The following CBFA2T3 variants were observed in gnomAD, a reference collection of about 807,000 sequenced individuals.
CBFA2T3 encodes the protein CBFA2/RUNX1 partner transcriptional co-repressor 3, also known as transcriptional corepressor CBFA2T3.
In CBFA2T3, 31 loss-of-function variants were observed where a neutral mutation model predicts 58.6. That is an observed-to-expected ratio of 0.53 (90% CI 0.40 to 0.71). The LOEUF (loss-of-function observed/expected upper bound fraction) is 0.71. CBFA2T3 is among the 30% of genes least tolerant of loss of function. The pLI, the probability that CBFA2T3 is intolerant of heterozygous loss-of-function variation, is 0.00. For missense variants in CBFA2T3, 1,076 were observed against 963.1 expected, an observed-to-expected ratio of 1.12 and a Z score of -1.55; for synonymous variants, 531 against 421.9, an observed-to-expected ratio of 1.26 and a Z score of -3.17.
At chr16:88,877,320 C>G (rs374700962) in intron 11 of CBFA2T3, 45 bp from the exon 12 acceptor site, 2 of 1,479,622 alleles carry the variant, frequency 1.4e-6, no homozygotes, top group Non-Finnish European at 1.8e-6. Flanking sequence ...TCTGGCCACC[C>G]GAATCCCCAA....
At chr16:88,909,811 G>C (rs1426112778) in intron 1 of CBFA2T3, among the ~76,000 whole-genome samples, 1 of 152,226 alleles carries the variant, frequency 6.6e-6, no homozygotes, top group Non-Finnish European at 1.5e-5. Flanking sequence ...CGGCCGTGCA[G>C]TGAGTGAGGG....
At chr16:88,942,996 T>C (rs1971795417) in intron 1 of CBFA2T3, among the ~76,000 whole-genome samples, 1 of 152,228 alleles carries the variant, frequency 6.6e-6, no homozygotes, top group Non-Finnish European at 1.5e-5. Context: ...GCTCGAAATT[T>C]ATCCATCCTG....
At chr16:88,940,952 G>C (rs973665781) in intron 1 of CBFA2T3, 1 of 812,274 alleles carries the variant, frequency 1.2e-6, no homozygotes, top group Non-Finnish European at 1.5e-6. Context: ...GCGCAGATCC[G>C]GGAACGGCAG....
chr16:88,891,519 C>T (rs963567236), intron 5 of CBFA2T3, among the ~76,000 whole-genome samples: 1 of 152,336 alleles, frequency 6.6e-6, no homozygotes, highest in East Asian at 1.9e-4. Context: ...CCCACACTGG[C>T]ACGTCGTCAG....
intron 5 of CBFA2T3, among the ~76,000 whole-genome samples, chr16:88,889,821 C>T (rs1390461729): frequency 2.1e-5 from 3 of 144,068 alleles, no homozygotes; most frequent in African/African-American, 7.7e-5. Context: ...CACTTCAAAT[C>T]CCTGGACGAT....
At chr16:88,952,862 C>A (rs541001749) in intron 1 of CBFA2T3, among the ~76,000 whole-genome samples, 1 of 152,012 alleles carries the variant, frequency 6.6e-6, no homozygotes, top group African/African-American at 2.4e-5. Context: ...TTCCTTCCCC[C>A]CCACCCCCAC....
intron 1 of CBFA2T3, among the ~76,000 whole-genome samples, chr16:88,902,085 C>G (rs1384608143): frequency 2.6e-5 from 4 of 152,204 alleles, no homozygotes; most frequent in African/African-American, 9.7e-5. Flanking sequence ...GGCTGAGACC[C>G]AGAATTTGCA....
chr16:88,882,989 G>A (rs1423425182), intron 7 of CBFA2T3, among the ~76,000 whole-genome samples: 2 of 152,228 alleles, frequency 1.3e-5, no homozygotes, highest in South Asian at 2.1e-4. Flanking sequence ...CACGGCACAC[G>A]CCTCCAAGGG....
intron 1 of CBFA2T3, among the ~76,000 whole-genome samples, chr16:88,906,568 G>A (rs79644196): frequency 0.028 from 4,258 of 152,302 alleles, 216 homozygotes; most frequent in African/African-American, 0.098. Context: ...AGGCAACCCC[G>A]GGGGCTCAGC....
At chr16:88,945,149 T>G (rs1021097708) in intron 1 of CBFA2T3, among the ~76,000 whole-genome samples, 2 of 152,246 alleles carry the variant, frequency 1.3e-5, no homozygotes, top group Non-Finnish European at 2.9e-5. Flanking sequence ...GGGTGGCTAA[T>G]GGATTCTAGA....
At chr16:88,976,322 C>T (rs1253699693) in intron 1 of CBFA2T3, among the ~76,000 whole-genome samples, 1 of 152,140 alleles carries the variant, frequency 6.6e-6, no homozygotes, top group Non-Finnish European at 1.5e-5. Flanking sequence ...CTAGGACCCC[C>T]CCATCACTTC....
At chr16:88,914,593 G>A (rs1360733434) in intron 1 of CBFA2T3, among the ~76,000 whole-genome samples, 1 of 152,216 alleles carries the variant, frequency 6.6e-6, no homozygotes, top group East Asian at 1.9e-4. Context: ...TGTTTTTAAA[G>A]CGACCAGGGT....
Position 88,885,619 on chromosome 16 carries a change from T to A in CBFA2T3, c.893+342A>T, listed in dbSNP as rs1396293164. ...CTTGGGCAGCAGCAGCACAAGAGCGTCTGGGGCAGCAGAGGGGGCCCAGCC... is the reference window on the plus strand; with the variant it reads ...CTTGGGCAGCAGCAGCACAAGAGCGACTGGGGCAGCAGAGGGGGCCCAGCC... On this transcript the variant is annotated intron_variant, in intron 6 of 11. Coordinates refer to ENST00000268679, the MANE Select transcript of CBFA2T3 (RefSeq NM_005187.6). The surrounding 1 kb of genome is among the most constrained non-coding windows in gnomAD (Gnocchi z 5.3). 8 of 419,304 alleles carry A rather than the reference T, an allele frequency of 1.9e-5. No homozygotes were observed. Among genetic ancestry groups the A allele is most frequent in the Non-Finnish European group, 3.4e-5 (8 of 233,084 alleles). The allele number at this position is 419,304 out of a possible 1,614,324, so 26.0% of individuals were successfully genotyped here.
chr16:88,882,666 G>A lies in CBFA2T3; in HGVS notation c.1203+10C>T. ...TGGCTGTGTGGGCGTGGCTGTGTGT[G>A]GACACTCACGTTGTTGAGGTGCTTC... On this transcript the variant is annotated intron_variant, in intron 8 of 11. Coordinates refer to ENST00000268679, the MANE Select transcript of CBFA2T3 (RefSeq NM_005187.6). 1 of 1,555,352 alleles carries A rather than the reference G, an allele frequency of 6.4e-7. No individual in the cohort carries two copies. Among genetic ancestry groups the A allele is most frequent in the Non-Finnish European group, 8.7e-7 (1 of 1,143,272 alleles).
chr16:88,946,142 TA>T (rs1445212517), intron 1 of CBFA2T3, among the ~76,000 whole-genome samples: 1 of 151,936 alleles, frequency 6.6e-6, no homozygotes, highest in Non-Finnish European at 1.5e-5. Flanking sequence ...ACCTCGTCTC[TA>T]CTAAAAATAC....
intron 1 of CBFA2T3, among the ~76,000 whole-genome samples, chr16:88,956,480 G>A (rs1408102233): frequency 2.6e-5 from 4 of 152,248 alleles, no homozygotes; most frequent in African/African-American, 7.2e-5. Flanking sequence ...GAGGGTAGAG[G>A]AACGCGGAGC....
chr16:88,975,221 T>TGACCTCCAGCCATATCAAAGGGC (rs1567644107), intron 1 of CBFA2T3, among the ~76,000 whole-genome samples: 28 of 88,394 alleles, frequency 3.2e-4, no homozygotes, highest in Admixed American at 2.5e-3. Flanking sequence ...CCTCTGCTCC[T>TGACCTCCAGCCATATCAAAGGGC]CACCTGCAGC....
At chr16:88,949,316 CG>C (rs1202909203) in intron 1 of CBFA2T3, among the ~76,000 whole-genome samples, 1 of 152,052 alleles carries the variant, frequency 6.6e-6, no homozygotes, top group African/African-American at 2.4e-5. Context: ...CCCAGCACTT[CG>C]GGAGGCCGAG....
Position 88,902,785 on chromosome 16 carries a change from G to A in CBFA2T3, c.152-1129C>T, listed in dbSNP as rs144992035. On this transcript the variant is annotated intron_variant, in intron 1 of 11. Coordinates refer to ENST00000268679, the MANE Select transcript of CBFA2T3 (RefSeq NM_005187.6). ...TCGGGGGCCTCAGCGGCTTAGAGCA[G>A]CAAGGTAGGCATCCTCAATCTGCTG... 1.6e-3 allele frequency among the ~76,000 whole-genome samples: 245 copies of A among 152,326 alleles called. 1 individual carries two copies. Among genetic ancestry groups the A allele is most frequent in the African/African-American group, 5.8e-3 (241 of 41,558 alleles).
Sources: gnomAD v4.1 joint callset for allele counts (sites outside exome capture counted in the v4.1 genomes callset) on GRCh38, gnomAD v4.1.1 for gene constraint, Gnocchi (gnomAD v3.1) non-coding constraint, MANE v1.5 for transcripts, NCBI Gene and HGNC (gene_info 2026-07-23, HGNC 2026-07-21) for gene names.